The following CAPN5 variants were observed in gnomAD, a reference collection of about 807,000 sequenced individuals.
CAPN5 encodes calpain 5, also known as calpain-5.
In CAPN5, 54 loss-of-function variants were observed where a neutral mutation model predicts 73.0. The ratio of observed to expected loss-of-function variants is 0.74; its 90% CI spans 0.59 to 0.93. The LOEUF is 0.93. Ranked by LOEUF, CAPN5 falls within the 40% of genes least tolerant of loss-of-function variation. The probability of loss-of-function intolerance (pLI) is 0.00; values close to 1 mark genes in which losing one functional copy is unlikely to be tolerated. For missense variants in CAPN5, 785 were observed against 882.9 expected (o/e 0.89, Z 1.41); for synonymous variants, 335 against 356.9 (o/e 0.94, Z 0.69).
chr11:77,110,860 G>A (rs564270102), intron 3 of CAPN5, among the ~76,000 whole-genome samples: 1 of 152,324 alleles, frequency 6.6e-6, no homozygotes, highest in South Asian at 2.1e-4. Flanking sequence ...GCTGAAGTCT[G>A]TACACTCAGG....
intron 1 of CAPN5, among the ~76,000 whole-genome samples, chr11:77,079,250 A>C (rs1266573839): frequency 1.3e-5 from 2 of 151,910 alleles, no homozygotes; most frequent in African/African-American, 2.4e-5. Flanking sequence ...CATCACACCC[A>C]CCTTGTTTGC....
At position 77,093,209 on chromosome 11, in the gene CAPN5, C is replaced by T. The variant is rs368787550; in HGVS notation, c.166-473C>T. ...CCCACTGGCCCCTCGCTTTGTGCTC[C>T]CCAGCTGGGATATGGGTGTTTGTCC... On this transcript the variant is annotated intron_variant, in intron 2 of 12. Transcript: ENST00000648180. Among the ~76,000 whole-genome samples, 11 of 152,304 alleles carry T rather than the reference C, an allele frequency of 7.2e-5. No individual in the cohort carries two copies. The East Asian group carries it at 1.4e-3, about 19-fold the overall frequency.
chr11:77,070,710 A>G (rs146256148), intron 1 of CAPN5, among the ~76,000 whole-genome samples: 1 of 152,326 alleles, frequency 6.6e-6, no homozygotes, highest in East Asian at 1.9e-4. Flanking sequence ...ATGCTCTTAC[A>G]GTTCCGGAGA....
chr11:77,080,032 G>T (rs185101882), intron 1 of CAPN5, among the ~76,000 whole-genome samples: 2 of 151,980 alleles, frequency 1.3e-5, no homozygotes, highest in Non-Finnish European at 2.9e-5. Context: ...TTTTGTATAC[G>T]GTTTGAGGTA....
chr11:77,068,974 GTC>G (rs1949874038), intron 1 of CAPN5, among the ~76,000 whole-genome samples: 1 of 152,294 alleles, frequency 6.6e-6, no homozygotes, highest in Admixed American at 6.5e-5. Context: ...GGCCAGCACT[GTC>G]TCTGTCTGCT....
intron 6 of CAPN5, 50 bp from the exon 7 acceptor site, chr11:77,116,176 G>A: frequency 6.6e-7 from 1 of 1,525,782 alleles, no homozygotes; most frequent in Non-Finnish European, 9.0e-7. Context: ...ATTCTGGTGG[G>A]GCTGCCTCTT....
chr11:77,069,933 G>A (rs1320502248), intron 1 of CAPN5, among the ~76,000 whole-genome samples: 3 of 152,140 alleles, frequency 2.0e-5, no homozygotes, highest in African/African-American at 7.2e-5. Flanking sequence ...TTGCTTTAGT[G>A]CAGGCAGAGC....
At chr11:77,073,575 G>A (rs1555033494) in intron 1 of CAPN5, among the ~76,000 whole-genome samples, 1 of 152,088 alleles carries the variant, frequency 6.6e-6, no homozygotes, top group African/African-American at 2.4e-5. Context: ...GGGACATCAC[G>A]GCTGCAGGAC....
intron 3 of CAPN5, among the ~76,000 whole-genome samples, chr11:77,109,133 T>G (rs946647170): frequency 5.9e-5 from 9 of 152,260 alleles, no homozygotes; most frequent in African/African-American, 1.9e-4. Context: ...TGTTGTGTAC[T>G]TCATTCGGGG....
intron 3 of CAPN5, among the ~76,000 whole-genome samples, chr11:77,108,565 G>T (rs1950377031): frequency 6.6e-6 from 1 of 152,270 alleles, no homozygotes; most frequent in South Asian, 2.1e-4. Flanking sequence ...ACTGTAGACA[G>T]CGAGAGGGTA....
At position 77,116,023 on chromosome 11, in the gene CAPN5, G is replaced by A. The variant is rs561857365; in HGVS notation, c.894-203G>A. On this transcript the variant is annotated intron_variant, in intron 6 of 12. Transcript: ENST00000648180. ...AGACCTCCCAGCCCCTGTCATGGTGGCAGCTCACGGTCCCTTGTGGGAGGA... is the reference window on the plus strand; with the variant it reads ...AGACCTCCCAGCCCCTGTCATGGTGACAGCTCACGGTCCCTTGTGGGAGGA... Among the ~76,000 whole-genome samples the A allele has an allele frequency of 2.6e-5, 4 of 152,224 alleles. No individual in the cohort carries two copies. In the South Asian group the frequency reaches 8.3e-4, roughly 32 times the overall value.
At chr11:77,105,475 G>A (rs986361971) in intron 3 of CAPN5, among the ~76,000 whole-genome samples, 7 of 152,332 alleles carry the variant, frequency 4.6e-5, no homozygotes, top group Admixed American at 1.3e-4. Flanking sequence ...GGGCGCCGCC[G>A]AGGGCTTGGG....
Position 77,125,671 on chromosome 11 carries a change from A to G in CAPN5, c.*1801A>G, listed in dbSNP as rs1230349251. 6.6e-6 allele frequency: 1 copy of G among 150,470 alleles called. No individual in the cohort carries two copies. The highest frequency in any genetic ancestry group is 2.5e-5 in the African/African-American group (1 of 40,552). The allele number at this position is 150,470 out of a possible 1,614,324, so 9.3% of individuals were successfully genotyped here. On this transcript the variant is annotated 3_prime_UTR_variant, in exon 13 of 13. Coordinates refer to ENST00000648180, the MANE Select transcript of CAPN5 (RefSeq NM_004055.5). ...ATGTAATCACCACTTCTCGATGTCT[A>G]TTTCAAATCAAGGCTCCTGAGTAGG...
chr11:77,114,162 C>A, intron 4 of CAPN5, 80 bp from the exon 5 acceptor site: 1 of 1,411,002 alleles, frequency 7.1e-7, no homozygotes. Context: ...CTCTGAGTTT[C>A]AAAAACCTCC....
chr11:77,087,103 G>T (rs944666143), intron 2 of CAPN5, among the ~76,000 whole-genome samples: 1 of 152,222 alleles, frequency 6.6e-6, no homozygotes, highest in Non-Finnish European at 1.5e-5. Flanking sequence ...GGCCCAAGGG[G>T]CAGCAGTGAT....
At position 77,122,026 on chromosome 11, in the gene CAPN5, C is replaced by G; in HGVS notation, c.1580C>G (p.Ala527Gly). The G allele has an allele frequency of 6.4e-7, 1 of 1,556,970 alleles. No homozygotes were observed. Among genetic ancestry groups the G allele is most frequent in the Non-Finnish European group, 8.7e-7 (1 of 1,150,244 alleles). ...ACCCAGGTACATGTCCTGGGAGCTG[C>G]TGGCCTCAAGGACTCCCCAACAGGT... ...LVTQVHVLGA[A>G]GLKDSPTGAN... Residue 527 changes from alanine to glycine, a missense_variant, in exon 11 of 13, where the codon GCT (alanine) becomes GGT (glycine). Physicochemically the swap from Ala to Gly is moderately conservative, Grantham distance 60. Coordinates refer to ENST00000648180, the MANE Select transcript of CAPN5 (RefSeq NM_004055.5).
chr11:77,105,385 G>A (rs2135462114), intron 3 of CAPN5, among the ~76,000 whole-genome samples: 1 of 152,238 alleles, frequency 6.6e-6, no homozygotes, highest in African/African-American at 2.4e-5. Flanking sequence ...GGAGCCTCCG[G>A]CCCTGACTGT....
rs964097588 is a variant in CAPN5, at chr11:77,069,295, C to T, written c.-36+2201C>T. On this transcript the variant is annotated intron_variant, in intron 1 of 12. Coordinates refer to ENST00000648180, the MANE Select transcript of CAPN5 (RefSeq NM_004055.5). ...GTCACTGAACGCATCTTTCTAAGTA[C>T]ATGGTGTCTGGTAGCCATTGTTACT... Among the ~76,000 whole-genome samples the T allele has an allele frequency of 3.3e-4, 51 of 152,300 alleles. 1 individual carries two copies. The highest frequency in any genetic ancestry group is 1.2e-3 in the African/African-American group (48 of 41,564).
At chr11:77,085,094 G>C in intron 2 of CAPN5, 43 bp downstream of exon 2, 1 of 1,573,846 alleles carries the variant, frequency 6.4e-7, no homozygotes, top group Non-Finnish European at 8.7e-7. Context: ...GCGGGCCCAG[G>C]CCCACCCACA....
Sources: gnomAD v4.1 joint callset for allele counts (sites outside exome capture counted in the v4.1 genomes callset) on GRCh38, gnomAD v4.1.1 for gene constraint, MANE v1.5 for transcripts, NCBI Gene and HGNC (gene_info 2026-07-23, HGNC 2026-07-21) for gene names.